LRFN5: variants seen among roughly 807,000 people sequenced by gnomAD.
The protein encoded by LRFN5 is leucine rich repeat and fibronectin type III domain containing 5.
LRFN5 carries 24 observed loss-of-function variants against 45.6 expected under a neutral mutation model. The ratio of observed to expected loss-of-function variants is 0.53; its 90% confidence interval spans 0.38 to 0.74. The LOEUF is 0.74. Ranked by LOEUF, LRFN5 falls within the 30% of genes least tolerant of loss-of-function variation. LRFN5 has a pLI of 0.00. For missense variants in LRFN5, 776 were observed against 861.5 expected (o/e 0.90, Z 1.24); for synonymous variants, 340 against 313.8 (o/e 1.08, Z -0.88).
rs537444247 is a variant in LRFN5, at chr14:41,799,713, A to G, written c.-21+32684A>G. Among the ~76,000 whole-genome samples, 7 of 152,018 alleles carry G rather than the reference A, an allele frequency of 4.6e-5. No individual in the cohort carries two copies. The East Asian group carries it at 1.4e-3, about 30-fold the overall frequency. Reference sequence around the variant, plus strand: ...ATTGATTTACTGTCAGTTTTATGGTAGGGTATGTGAGGAGATAAACGCATT... The same window carrying G: ...ATTGATTTACTGTCAGTTTTATGGTGGGGTATGTGAGGAGATAAACGCATT... On this transcript the variant is annotated intron_variant, in intron 2 of 5. Transcript: ENST00000298119.
intron 1 of LRFN5, among the ~76,000 whole-genome samples, chr14:41,737,227 A>G (rs1022461734): frequency 2.0e-5 from 3 of 152,220 alleles, no homozygotes; most frequent in Admixed American, 6.5e-5. Flanking sequence ...GATACATTAC[A>G]TAAACAGAAC....
intron 1 of LRFN5, among the ~76,000 whole-genome samples, chr14:41,703,017 T>C (rs1882903054): frequency 6.6e-6 from 1 of 152,126 alleles, no homozygotes; most frequent in African/African-American, 2.4e-5. Flanking sequence ...AAAGATCCTT[T>C]TAGCTCTCCT....
At chr14:41,626,476 A>T (rs1049158915) in intron 1 of LRFN5, among the ~76,000 whole-genome samples, 16 of 152,066 alleles carry the variant, frequency 1.1e-4, no homozygotes, top group African/African-American at 3.4e-4. Context: ...GAGTTTTTCT[A>T]TGTCTTACAA....
chr14:41,768,419 A>T (rs868835494), intron 2 of LRFN5, among the ~76,000 whole-genome samples: 1 of 152,114 alleles, frequency 6.6e-6, no homozygotes, highest in Non-Finnish European at 1.5e-5. Context: ...CATTCCAAAC[A>T]TGATTTTAGT....
rs770979859 is a variant in LRFN5 at position 41,887,285 on chromosome 14, G to A, written c.660G>A (p.Gln220=). 2 of 1,614,154 alleles carry A rather than the reference G, an allele frequency of 1.2e-6. No individual in the cohort carries two copies. The highest frequency in any genetic ancestry group is 1.7e-6 in the Non-Finnish European group (2 of 1,180,040). ...LPPDPLFQRA[Q]VLATSGIISP... ...CTGACCCTCTCTTTCAGCGAGCTCA[G>A]GTACTAGCAACCTCAGGAATCATAA... Residue 220 remains glutamine (Q), a synonymous_variant, in exon 3 of 6, where the codon CAG becomes CAA. Coordinates refer to ENST00000298119, the MANE Select transcript of LRFN5 (RefSeq NM_152447.5). The surrounding 1 kb of genome is among the most constrained non-coding windows in gnomAD (Gnocchi z 4.8).
chr14:41,892,086 G>T, intron 4 of LRFN5, 124 bp downstream of exon 4: 2 of 1,461,268 alleles, frequency 1.4e-6, no homozygotes, highest in Non-Finnish European at 1.8e-6. Flanking sequence ...TTTCCTAAAA[G>T]AAGCATGTCT....
chr14:41,668,196 T>C (rs2138651991), intron 1 of LRFN5, among the ~76,000 whole-genome samples: 1 of 152,302 alleles, frequency 6.6e-6, no homozygotes, highest in South Asian at 2.1e-4. Context: ...TTTGCATCAG[T>C]ACATCACATC....
At chr14:41,648,733 C>T (rs1380300027) in intron 1 of LRFN5, among the ~76,000 whole-genome samples, 1 of 151,992 alleles carries the variant, frequency 6.6e-6, no homozygotes. Context: ...ATTCACCTCC[C>T]CTCCACTCCG....
At position 41,887,450 on chromosome 14, in the gene LRFN5, G is replaced by A; in HGVS notation, c.825G>A (p.Trp275Ter). 6.2e-7 allele frequency: 1 copy of A among 1,614,152 alleles called. No individual in the cohort carries two copies. The highest frequency in any genetic ancestry group is 8.5e-7 in the Non-Finnish European group (1 of 1,180,032). ...CACTTTTAACTGGCCGCTACTTTTG[G>A]TCAATTCCTGAAGAAGAGTTTTTGT... Reference protein sequence around the residue: ...SPPLLTGRYFWSIPEEEFLCE... With the variant: ...SPPLLTGRYF The change falls in exon 3 of 6, where the codon TGG (tryptophan) becomes TGA (stop). Residue 275 changes from tryptophan to a stop codon, truncating the protein, a stop_gained. Transcript: ENST00000298119. LOFTEE classifies it high-confidence loss of function. This position sits in a 1 kb window ranked among gnomAD's most constrained non-coding sequence, Gnocchi z 4.8.
intron 2 of LRFN5, among the ~76,000 whole-genome samples, chr14:41,860,540 C>G (rs1188631852): frequency 6.6e-6 from 1 of 152,152 alleles, no homozygotes; most frequent in African/African-American, 2.4e-5. Context: ...ACATTGTACA[C>G]ACAATATATA....
intron 2 of LRFN5, among the ~76,000 whole-genome samples, chr14:41,838,833 C>G (rs1216443551): frequency 6.6e-6 from 1 of 152,012 alleles, no homozygotes; most frequent in African/African-American, 2.4e-5. Flanking sequence ...TATTGGTGGC[C>G]ATGAATGTGT....
At chr14:41,901,680 TAAC>T (rs1037063506) in intron 5 of LRFN5, among the ~76,000 whole-genome samples, 3 of 152,020 alleles carry the variant, frequency 2.0e-5, no homozygotes. Context: ...TATGAATACA[TAAC>T]AACACTGATA....
At chr14:41,893,375 C>G in intron 4 of LRFN5, 24 of 983,762 alleles carry the variant, frequency 2.4e-5, no homozygotes, top group Non-Finnish European at 2.9e-5. Context: ...AAACAGTTAC[C>G]ATCAAAGAGG....
chr14:41,753,939 T>G (rs1200398335), intron 1 of LRFN5, among the ~76,000 whole-genome samples: 1 of 152,204 alleles, frequency 6.6e-6, no homozygotes, highest in African/African-American at 2.4e-5. Flanking sequence ...ATACGTCCCA[T>G]CAATACCTAA....
intron 1 of LRFN5, among the ~76,000 whole-genome samples, chr14:41,694,440 A>G (rs1566624527): frequency 6.6e-6 from 1 of 151,860 alleles, no homozygotes; most frequent in African/African-American, 2.4e-5. Context: ...ATCGTGCAGT[A>G]TTTGTCTTTC....
chr14:41,788,438 A>T (rs1315095107), intron 2 of LRFN5, among the ~76,000 whole-genome samples: 1 of 152,126 alleles, frequency 6.6e-6, no homozygotes, highest in African/African-American at 2.4e-5. Context: ...GTGAGGCCAG[A>T]TATGGCGTAA....
chr14:41,614,582 G>A (rs918200442), intron 1 of LRFN5, among the ~76,000 whole-genome samples: 10 of 152,114 alleles, frequency 6.6e-5, no homozygotes, highest in Admixed American at 6.6e-4. Flanking sequence ...TGTAGTAGGA[G>A]AGAGAGAAGA....
chr14:41,869,991 G>T (rs539862202), intron 2 of LRFN5, among the ~76,000 whole-genome samples: 7 of 152,208 alleles, frequency 4.6e-5, no homozygotes, highest in African/African-American at 1.7e-4. Flanking sequence ...GTTTACTATG[G>T]CTGTGAAATG....
intron 2 of LRFN5, among the ~76,000 whole-genome samples, chr14:41,880,309 T>G (rs1890337968): frequency 6.6e-6 from 1 of 152,074 alleles, no homozygotes; most frequent in African/African-American, 2.4e-5. Flanking sequence ...AAATTTCTGC[T>G]CATTTTAATA....
Sources: gnomAD v4.1 joint callset for allele counts (sites outside exome capture counted in the v4.1 genomes callset) on GRCh38, gnomAD v4.1.1 for gene constraint, Gnocchi (gnomAD v3.1) non-coding constraint, MANE v1.5 for transcripts, NCBI Gene and HGNC (gene_info 2026-07-23, HGNC 2026-07-21) for gene names.